POU2F2: variants seen among roughly 807,000 people sequenced by gnomAD.
POU2F2 encodes POU domain, class 2, transcription factor 2.
In POU2F2, 14 loss-of-function variants were observed where a neutral mutation model predicts 63.5. The observed-to-expected ratio is 0.22, with a 90% CI of 0.15 to 0.34. The LOEUF is 0.34. POU2F2 is among the 10% of genes least tolerant of loss of function. The pLI, the probability that POU2F2 is intolerant of heterozygous loss-of-function variation, is 1.00. For missense variants in POU2F2, 607 were observed against 815.2 expected (o/e 0.74, Z 3.11); for synonymous variants, 306 against 348.6 (o/e 0.88, Z 1.36).
chr19:42,121,101 TG>T (rs2032555098), intron 4 of POU2F2, among the ~76,000 whole-genome samples: 1 of 152,126 alleles, frequency 6.6e-6, no homozygotes, highest in South Asian at 2.1e-4. Context: ...GGAAGCCTGC[TG>T]CCAGTTTGAG....
chr19:42,186,011 G>A (rs187417968), intron 1 of POU2F2, among the ~76,000 whole-genome samples: 6 of 152,178 alleles, frequency 3.9e-5, no homozygotes, highest in East Asian at 1.9e-4. Context: ...TGCCTCGGCC[G>A]CCCCAGTAGC....
At chr19:42,166,312 C>T (rs554797992) in intron 1 of POU2F2, among the ~76,000 whole-genome samples, 4 of 152,170 alleles carry the variant, frequency 2.6e-5, no homozygotes, top group African/African-American at 9.6e-5. Context: ...ACACTCTATG[C>T]TCAGAGTTTT....
At chr19:42,146,656 AG>A (rs201716993) in intron 2 of POU2F2, among the ~76,000 whole-genome samples, 344 of 51,640 alleles carry the variant, frequency 6.7e-3, no homozygotes, top group Non-Finnish European at 8.0e-3. Flanking sequence ...TCCTAAGGGA[AG>A]GCCCCCCCAT....
At chr19:42,114,909 G>A (rs968279496) in intron 5 of POU2F2, among the ~76,000 whole-genome samples, 1 of 152,160 alleles carries the variant, frequency 6.6e-6, no homozygotes, top group African/African-American at 2.4e-5. Context: ...AGAAGCCAAG[G>A]TGGGCAGATC....
At chr19:42,104,406 A>G (rs1192642999) in intron 5 of POU2F2, among the ~76,000 whole-genome samples, 1 of 151,902 alleles carries the variant, frequency 6.6e-6, no homozygotes, top group African/African-American at 2.4e-5. Flanking sequence ...TGACCTCTCT[A>G]GAAGGCTATT....
chr19:42,142,363 TG>T (rs2146757453), intron 2 of POU2F2, among the ~76,000 whole-genome samples: 2 of 151,870 alleles, frequency 1.3e-5, no homozygotes, highest in Non-Finnish European at 2.9e-5. Context: ...GCTAATTTTT[TG>T]TATTTTCAGT....
chr19:42,131,856 AATC>A (rs1407082842), intron 1 of POU2F2, among the ~76,000 whole-genome samples: 7 of 152,000 alleles, frequency 4.6e-5, no homozygotes, highest in Non-Finnish European at 7.4e-5. Context: ...GGAGCCAGGC[AATC>A]ATCACCCCAC....
intron 1 of POU2F2, among the ~76,000 whole-genome samples, chr19:42,124,959 GT>G (rs1419241937): frequency 6.6e-6 from 1 of 152,210 alleles, no homozygotes; most frequent in African/African-American, 2.4e-5. Context: ...AAAGGATCTT[GT>G]TTGGTGGTTA....
rs890423240 is a variant in POU2F2, at chr19:42,155,144, G to A, written c.-9+5188C>T. Among the ~76,000 whole-genome samples, 5 of 152,302 alleles carry A rather than the reference G, an allele frequency of 3.3e-5. No individual in the cohort carries two copies. The highest frequency in any genetic ancestry group is 5.9e-5 in the Non-Finnish European group (4 of 68,016). On this transcript the variant is annotated intron_variant, in intron 2 of 6. Transcript: ENST00000524801. The surrounding 1 kb of genome is among the most constrained non-coding windows in gnomAD (Gnocchi z 4.2). ...CACCTGCCTCAGCTGCAGCTGCCCC[G>A]CACTGTTTTTTCTTTCTCATTGTCC...
intron 2 of POU2F2, among the ~76,000 whole-genome samples, chr19:42,151,285 G>A (rs1374796377): frequency 1.3e-5 from 2 of 152,092 alleles, no homozygotes; most frequent in Admixed American, 6.5e-5. Context: ...GGGAGGAGAG[G>A]GGCTGTGGGG....
chr19:42,105,045 C>T (rs1489472633), intron 5 of POU2F2, among the ~76,000 whole-genome samples: 2 of 152,170 alleles, frequency 1.3e-5, no homozygotes, highest in African/African-American at 4.8e-5. Context: ...CAGCTACCCC[C>T]AGCCCAGTAA....
intron 2 of POU2F2, among the ~76,000 whole-genome samples, chr19:42,139,731 T>G (rs532747028): frequency 8.1e-4 from 123 of 152,306 alleles, no homozygotes; most frequent in Non-Finnish European, 1.4e-3. Flanking sequence ...TGAGCCACTG[T>G]GGCCCGGCCC....
upstream of POU2F2, among the ~76,000 whole-genome samples, chr19:42,177,712 A>C (rs1008999983): frequency 6.6e-6 from 1 of 151,664 alleles, no homozygotes; most frequent in African/African-American, 2.4e-5. Context: ...TAAGAGACAG[A>C]GGGGTAAGGG....
At chr19:42,191,062 A>T (rs972036598) in intron 1 of POU2F2, among the ~76,000 whole-genome samples, 2 of 145,270 alleles carry the variant, frequency 1.4e-5, no homozygotes, top group Non-Finnish European at 3.0e-5. Flanking sequence ...TGACAGAGCG[A>T]GACTCAGTTT....
At chr19:42,139,448 G>A (rs1331660076) in intron 2 of POU2F2, among the ~76,000 whole-genome samples, 1 of 152,164 alleles carries the variant, frequency 6.6e-6, no homozygotes, top group Non-Finnish European at 1.5e-5. Context: ...GAGATGGGCT[G>A]GAGAAGCACT....
rs532516641 is a variant in POU2F2 at position 42,096,846 on chromosome 19, G to A, written c.568-603C>T. On this transcript the variant is annotated intron_variant, in intron 7 of 14. Transcript: ENST00000692977. The surrounding 1 kb of genome is among the most constrained non-coding windows in gnomAD (Gnocchi z 4.1). ...TCACCTGTTACGCTTGTACCACTCTGGTTGGGGATGTAGATGATGCAGGAA... is the reference window on the plus strand; with the variant it reads ...TCACCTGTTACGCTTGTACCACTCTAGTTGGGGATGTAGATGATGCAGGAA... Among the ~76,000 whole-genome samples the A allele has an allele frequency of 6.6e-6, 1 of 152,332 alleles. No homozygotes were observed.
Position 42,092,235 on chromosome 19 carries a change from G to A in POU2F2, c.1300C>T (p.Pro434Ser). Residue 434 changes from proline to serine, a missense_variant, in exon 13 of 15, where the codon CCC becomes TCC. Pro to Ser is a moderately conservative substitution (Grantham distance 74, BLOSUM62 -1). This residue lies in a region of POU2F2 where 270 missense variants were observed against 307.5 expected (regional missense o/e 0.88). Coordinates refer to ENST00000692977, the MANE Select transcript of POU2F2 (RefSeq NM_001394376.1). The surrounding 1 kb of genome is among the most constrained non-coding windows in gnomAD (Gnocchi z 5.0). ...CCACCCCCTCCAGCTGTCCGGCTGG[G>A]GTGGAGCGTCCCCACAGCTGAGGAT... ...TLSSAVGTLH[P>S]SRTAGGGGGG... The A allele has an allele frequency of 2.6e-6, 4 of 1,566,704 alleles. No homozygotes were observed. Among genetic ancestry groups the A allele is most frequent in the Non-Finnish European group, 3.5e-6 (4 of 1,155,292 alleles).
rs577688899 is a variant in POU2F2, at chr19:42,143,725, G to A, written c.-9+16607C>T. 1.3e-3 allele frequency among the ~76,000 whole-genome samples: 190 copies of A among 151,928 alleles called. 7 individuals carry two copies. The South Asian group carries it at 0.035, about 28-fold the overall frequency. ...CTTTCTGTTCCTGCAATCCACGCCC[G>A]CGCTTCTTCTTGCCTCAGGACTTTT... On this transcript the variant is annotated intron_variant, in intron 2 of 6. Transcript: ENST00000524801.
At chr19:42,151,444 GA>G (rs965432386) in intron 2 of POU2F2, among the ~76,000 whole-genome samples, 9 of 152,132 alleles carry the variant, frequency 5.9e-5, no homozygotes, top group African/African-American at 1.9e-4. Flanking sequence ...GAGCCCTGGG[GA>G]GTTGGGGGCT....
Sources: gnomAD v4.1 joint callset for allele counts (sites outside exome capture counted in the v4.1 genomes callset) on GRCh38, gnomAD v4.1.1 for gene constraint, gnomAD v4.1.1 regional missense constraint, Gnocchi (gnomAD v3.1) non-coding constraint, MANE v1.5 for transcripts, NCBI Gene and HGNC (gene_info 2026-07-23, HGNC 2026-07-21) for gene names.